Variants in HERC2 observed in about 807,000 individuals in gnomAD.
The protein encoded by HERC2 is HECT and RLD domain containing E3 ubiquitin protein ligase 2.
Under a neutral mutation model 537.7 loss-of-function variants are expected in HERC2, and 102 were observed. The ratio of observed to expected loss-of-function variants is 0.19; its 90% confidence interval spans 0.16 to 0.22. HERC2 has a LOEUF of 0.22. Ranked by LOEUF, HERC2 falls within the 10% of genes least tolerant of loss-of-function variation. The pLI, the probability that HERC2 is intolerant of heterozygous loss-of-function variation, is 1.00. For synonymous variants in HERC2, 2,224 were observed against 2,466.2 expected (o/e 0.90, Z 2.91); for missense variants, 4,236 against 6,198.2 (o/e 0.68, Z 10.63).
In HERC2 at chr15:28,321,789, G is replaced by A. The variant is rs1213252547; in HGVS notation, c.-32+286C>T. 3.8e-5 allele frequency among the ~76,000 whole-genome samples: 5 copies of A among 130,018 alleles called. 1 individual carries two copies. The highest frequency in any genetic ancestry group is 6.2e-5 in the Non-Finnish European group (4 of 65,018). The allele number at this position is 130,018 out of a possible 152,430, so 85.3% of individuals were successfully genotyped here. On this transcript the variant is annotated intron_variant, in intron 1 of 92. Transcript: ENST00000261609. ...CCAAGAAGTACACACACATAACAGG[G>A]AGCCCATCGTTTTAACGACAAATGA...
chr15:28,306,112 AAC>A (rs2076780150), intron 2 of HERC2, among the ~76,000 whole-genome samples: 1 of 152,242 alleles, frequency 6.6e-6, no homozygotes, highest in Non-Finnish European at 1.5e-5. Flanking sequence ...TATATTGAAT[AAC>A]AGTGGTGACA....
chr15:28,253,847 A>T (rs796920510), intron 20 of HERC2, among the ~76,000 whole-genome samples: 2 of 152,232 alleles, frequency 1.3e-5, no homozygotes, highest in African/African-American at 4.8e-5. Flanking sequence ...CTGTAGTCCC[A>T]GCTACTTGGG....
chr15:28,274,536 G>A, intron 6 of HERC2, 89 bp from the exon 7 acceptor site: 1 of 1,405,920 alleles, frequency 7.1e-7, no homozygotes, highest in Admixed American at 2.3e-5. Context: ...TGACGCCACT[G>A]TCACCTTTCC....
intron 89 of HERC2, 134 bp from the exon 90 acceptor site, chr15:28,114,936 G>A (rs1308052278): frequency 8.3e-5 from 53 of 640,932 alleles, no homozygotes; most frequent in Non-Finnish European, 1.3e-4. Context: ...GCAAGTGCAT[G>A]GCACACACCA....
intron 52 of HERC2, 147 bp downstream of exon 52, chr15:28,196,068 G>C: frequency 1.8e-6 from 1 of 571,344 alleles, no homozygotes; most frequent in Admixed American, 3.3e-5. Context: ...CAGCGGGTAG[G>C]ACCGTCACTT....
At chr15:28,289,785 G>C (rs573150544) in intron 4 of HERC2, among the ~76,000 whole-genome samples, 198 of 152,330 alleles carry the variant, frequency 1.3e-3, no homozygotes, top group East Asian at 9.6e-3. Context: ...GACTACAAAA[G>C]GGAAACACTG....
At position 28,139,809 on chromosome 15, in the gene HERC2, C is replaced by A. The variant is rs530947455; in HGVS notation, c.12015+1623G>T. Among the ~76,000 whole-genome samples, 5 of 151,944 alleles carry A rather than the reference C, an allele frequency of 3.3e-5. No homozygotes were observed. The South Asian group carries it at 8.3e-4, about 25-fold the overall frequency. On this transcript the variant is annotated intron_variant, in intron 78 of 92. Coordinates refer to ENST00000261609, the MANE Select transcript of HERC2 (RefSeq NM_004667.6). ...GGCACGGTAGCTCATGCCTGTAATC[C>A]CAGCACTTTGGGAGGCCAAGGTGGT...
chr15:28,148,883 A>G (rs139933691), intron 70 of HERC2, among the ~76,000 whole-genome samples: 92 of 151,622 alleles, frequency 6.1e-4, no homozygotes, highest in African/African-American at 2.2e-3. Flanking sequence ...GGCCACACAA[A>G]CGTATATTCT....
rs143089436 is a variant in HERC2, at chr15:28,113,926, C to T, written c.13914-248G>A. Among the ~76,000 whole-genome samples the T allele has an allele frequency of 1.3e-5, 2 of 152,158 alleles. No homozygotes were observed. The highest frequency in any genetic ancestry group is 2.4e-5 in the African/African-American group (1 of 41,422). On this transcript the variant is annotated intron_variant, in intron 90 of 92. Transcript: ENST00000261609. The surrounding 1 kb of genome is among the most constrained non-coding windows in gnomAD (Gnocchi z 7.0). ...ACCTACAGCTATGCACACCCCAAGA[C>T]GCCACTCTCAGTACCCACAGGACAC...
chr15:28,298,533 C>G (rs1276859783), intron 3 of HERC2: 2 of 152,044 alleles, frequency 1.3e-5, no homozygotes, highest in African/African-American at 2.4e-5. Context: ...CGGTGGCTCA[C>G]GCCTATAATC....
Position 28,215,667 on chromosome 15 carries a change from A to G in HERC2, c.6164T>C (p.Val2055Ala). 6.2e-7 allele frequency: 1 copy of G among 1,611,886 alleles called. No homozygotes were observed. The highest frequency in any genetic ancestry group is 8.5e-7 in the Non-Finnish European group (1 of 1,179,782). Residue 2055 changes from valine to alanine, a missense_variant, in exon 39 of 93, where the codon GTC becomes GCC. Transcript: ENST00000261609. ...AGTGAAGGGTGCGTGCCCTTCCACG[A>G]CCTTCATGAGCAGCGTGATCCACTG... The part of the protein sequence containing the change: ...SPQWITLLMK[V>A]VEGHAPFTAT...
At chr15:28,300,976 A>C (rs1401268361) in intron 2 of HERC2, among the ~76,000 whole-genome samples, 3 of 151,764 alleles carry the variant, frequency 2.0e-5, no homozygotes, top group Non-Finnish European at 4.4e-5. Flanking sequence ...AAGGACTAGA[A>C]TCAAAGGCAA....
In HERC2 at chr15:28,289,570, G is replaced by A. The variant is rs117133134; in HGVS notation, c.322+3318C>T. ...ATACTCCTGGGAAATAAAGCCAGTCGCTGGAGCTGATCTCCCCAGAACGCT... is the reference window on the plus strand; with the variant it reads ...ATACTCCTGGGAAATAAAGCCAGTCACTGGAGCTGATCTCCCCAGAACGCT... On this transcript the variant is annotated intron_variant, in intron 4 of 92. Coordinates refer to ENST00000261609, the MANE Select transcript of HERC2 (RefSeq NM_004667.6). 4.3e-3 allele frequency among the ~76,000 whole-genome samples: 652 copies of A among 152,032 alleles called. 1 individual carries two copies. Among genetic ancestry groups the A allele is most frequent in the East Asian group, 0.011 (56 of 5,172 alleles).
At position 28,248,581 on chromosome 15, in the gene HERC2, T is replaced by C; in HGVS notation, c.3206A>G (p.Glu1069Gly). The change falls in exon 21 of 93, where the codon GAA becomes GGA. Residue 1069 changes from glutamate to glycine, a missense_variant. Transcript: ENST00000261609. ...RLLISKLYPG[E>G]SIGQTSDISS... is the part of the protein sequence containing the mutation. ...AATATCTGAGGTCTGACCAATACTTTCTCCTGGATAAAGTTTACTAATAAG... is the reference window on the plus strand; with the variant it reads ...AATATCTGAGGTCTGACCAATACTTCCTCCTGGATAAAGTTTACTAATAAG... 1 of 1,613,956 alleles carries C rather than the reference T, an allele frequency of 6.2e-7. No homozygotes were observed. Among genetic ancestry groups the C allele is most frequent in the Non-Finnish European group, 8.5e-7 (1 of 1,179,886 alleles).
chr15:28,204,688 A>C (rs1898226610), intron 45 of HERC2, among the ~76,000 whole-genome samples: 1 of 152,092 alleles, frequency 6.6e-6, no homozygotes, highest in Non-Finnish European at 1.5e-5. Context: ...AAAACTATTA[A>C]ATGAGAGCCA....
intron 14 of HERC2, among the ~76,000 whole-genome samples, chr15:28,264,724 C>A (rs374134608): frequency 6.6e-6 from 1 of 152,120 alleles, no homozygotes; most frequent in Non-Finnish European, 1.5e-5. Context: ...ACAGCTTAGA[C>A]CTTACAAAAC....
At position 28,144,206 on chromosome 15, in the gene HERC2, C is replaced by T. The variant is rs149280444; in HGVS notation, c.11170G>A (p.Val3724Ile). ...AAGTCCATGGATGGACAGGAGAGGA[C>T]GCAGCGGTCAGAGAGGAGTTCTTTA... The part of the protein sequence containing the change: ...GPKELLSDRC[V>I]LSCPSMDLVT... Residue 3724 changes from valine (V) to isoleucine (I), a missense_variant, in exon 73 of 93, where the codon GTC becomes ATC. Physicochemically the swap from Val to Ile is conservative, Grantham distance 29. Around this residue, in one of 27 missense-constraint regions of HERC2, gnomAD observed 109 missense variants for 133.5 expected, o/e 0.82. Coordinates refer to ENST00000261609, the MANE Select transcript of HERC2 (RefSeq NM_004667.6). 195 of 1,614,158 alleles carry T rather than the reference C, an allele frequency of 1.2e-4. No homozygotes were observed. The highest frequency in any genetic ancestry group is 1.7e-4 in the Middle Eastern group (1 of 6,058).
intron 55 of HERC2, among the ~76,000 whole-genome samples, chr15:28,187,985 C>G (rs544976442): frequency 6.6e-6 from 1 of 152,138 alleles, no homozygotes; most frequent in African/African-American, 2.4e-5. Flanking sequence ...ATTGCCTAAA[C>G]GACCTGCTCA....
chr15:28,126,431 C>T (rs1566920123), intron 83 of HERC2, among the ~76,000 whole-genome samples: 1 of 152,170 alleles, frequency 6.6e-6, no homozygotes, highest in Non-Finnish European at 1.5e-5. Context: ...CACTTGCACA[C>T]ACATGTTTAT....
Sources: gnomAD v4.1 joint callset for allele counts (sites outside exome capture counted in the v4.1 genomes callset) on GRCh38, gnomAD v4.1.1 for gene constraint, gnomAD v4.1.1 regional missense constraint, Gnocchi (gnomAD v3.1) non-coding constraint, MANE v1.5 for transcripts, NCBI Gene and HGNC (gene_info 2026-07-23, HGNC 2026-07-21) for gene names.